LIMS1: variants seen among roughly 807,000 people sequenced by gnomAD.
The protein encoded by LIMS1 is LIM zinc finger domain containing 1.
Under a neutral mutation model 44.1 loss-of-function variants are expected in LIMS1, and 18 were observed. The observed-to-expected ratio is 0.41, with a 90% CI of 0.28 to 0.61. The LOEUF is 0.61. Among genes scored for constraint, LIMS1 ranks in the 20% least tolerant of loss-of-function variants. The pLI, the probability that LIMS1 is intolerant of heterozygous loss-of-function variation, is 0.32. For synonymous variants in LIMS1, 93 were observed against 149.1 expected, an observed-to-expected ratio of 0.62 and a Z score of 2.74; for missense variants, 201 against 422.0, an observed-to-expected ratio of 0.48 and a Z score of 4.59.
At chr2:108,535,274 C>G (rs1684092278) in intron 1 of LIMS1, among the ~76,000 whole-genome samples, 1 of 152,194 alleles carries the variant, frequency 6.6e-6, no homozygotes, top group African/African-American at 2.4e-5. Flanking sequence ...TGAGTACTGT[C>G]TTAATAGCTG....
chr2:108,608,698 T>C (rs1263440387), intron 1 of LIMS1, among the ~76,000 whole-genome samples: 3 of 152,220 alleles, frequency 2.0e-5, no homozygotes, highest in Non-Finnish European at 4.4e-5. Context: ...CATCACTATT[T>C]TAGAAATCTG....
chr2:108,573,311 T>C (rs1034642819), intron 1 of LIMS1, among the ~76,000 whole-genome samples: 26 of 152,008 alleles, frequency 1.7e-4, no homozygotes, highest in Non-Finnish European at 2.6e-4. Flanking sequence ...CTTTTCTTTT[T>C]TTTTTTTTTC....
exon 10 of LIMS1, chr2:108,684,509 T>C (rs1693207000): frequency 6.6e-6 from 1 of 152,138 alleles, no homozygotes; most frequent in African/African-American, 2.4e-5. Flanking sequence ...AAAGTGAATA[T>C]GCACATTACT....
chr2:108,584,351 T>C (rs1686012231), intron 1 of LIMS1, among the ~76,000 whole-genome samples: 1 of 152,208 alleles, frequency 6.6e-6, no homozygotes, highest in South Asian at 2.1e-4. Context: ...GGTGTGCTTT[T>C]GCATTCTAGG....
intron 9 of LIMS1, 110 bp downstream of exon 9, chr2:108,680,880 C>T: frequency 6.9e-7 from 1 of 1,458,364 alleles, no homozygotes; most frequent in Non-Finnish European, 9.1e-7. Flanking sequence ...TTCTTATTTC[C>T]TCTTTCTGTT....
At chr2:108,537,480 C>T (rs1472642172) in intron 1 of LIMS1, among the ~76,000 whole-genome samples, 2 of 152,210 alleles carry the variant, frequency 1.3e-5, no homozygotes, top group East Asian at 1.9e-4. Flanking sequence ...AACTTTCTGC[C>T]TTTCAGGATT....
At chr2:108,580,815 G>C (rs1161682823) in intron 1 of LIMS1, among the ~76,000 whole-genome samples, 1 of 152,166 alleles carries the variant, frequency 6.6e-6, no homozygotes, top group Non-Finnish European at 1.5e-5. Flanking sequence ...AGTTTCAGGA[G>C]GGGGATGGGG....
chr2:108,678,470 G>A (rs1692724670), intron 8 of LIMS1: 1 of 173,230 alleles, frequency 5.8e-6, no homozygotes, highest in Admixed American at 6.4e-5. Context: ...AGGCTGGGCT[G>A]ATTGATTGGA....
At chr2:108,616,920 T>G (rs975278087) in intron 1 of LIMS1, among the ~76,000 whole-genome samples, 7 of 152,202 alleles carry the variant, frequency 4.6e-5, no homozygotes, top group Non-Finnish European at 1.0e-4. Context: ...TCTTGCTTTA[T>G]TAGATAAAAT....
intron 9 of LIMS1, 75 bp from the exon 10 acceptor site, chr2:108,683,810 A>C: frequency 1.4e-6 from 1 of 736,466 alleles, no homozygotes; most frequent in South Asian, 2.0e-5. Context: ...CAGTACAATT[A>C]CTGCACATCA....
chr2:108,575,696 C>T (rs1685645916), intron 1 of LIMS1, among the ~76,000 whole-genome samples: 1 of 152,182 alleles, frequency 6.6e-6, no homozygotes, highest in South Asian at 2.1e-4. Context: ...TCCTTTTAGG[C>T]ATCGTTTATT....
At chr2:108,639,664 G>A (rs902886412) in intron 1 of LIMS1, among the ~76,000 whole-genome samples, 1 of 152,122 alleles carries the variant, frequency 6.6e-6, no homozygotes, top group Non-Finnish European at 1.5e-5. Flanking sequence ...TGTTGGTCAG[G>A]CTGATCTTGA....
chr2:108,666,308 A>G (rs1691757241), intron 2 of LIMS1, among the ~76,000 whole-genome samples: 1 of 149,550 alleles, frequency 6.7e-6, no homozygotes, highest in Non-Finnish European at 1.5e-5. Flanking sequence ...CTGGTTTATT[A>G]TTAGTATTAT....
chr2:108,631,576 G>A (rs896848967), intron 1 of LIMS1, among the ~76,000 whole-genome samples: 2 of 146,962 alleles, frequency 1.4e-5, no homozygotes, highest in African/African-American at 5.0e-5. Flanking sequence ...TAAGACATCT[G>A]TTATAGCATG....
chr2:108,672,954 C>T (rs1169269988), exon 5 of LIMS1: 1 of 1,080,068 alleles, frequency 9.3e-7, no homozygotes, highest in Non-Finnish European at 1.3e-6. Flanking sequence ...AAATGCCATG[C>T]TATCATCGAT....
intron 1 of LIMS1, among the ~76,000 whole-genome samples, chr2:108,641,121 T>C (rs1689641656): frequency 6.6e-6 from 1 of 152,232 alleles, no homozygotes; most frequent in African/African-American, 2.4e-5. Context: ...TCTAATTCTT[T>C]TTTTGTGGCT....
At position 108,540,770 on chromosome 2, in the gene LIMS1, T is replaced by C. The variant is rs150212053; in HGVS notation, c.32+6176T>C. Among the ~76,000 whole-genome samples, 670 of 152,350 alleles carry C rather than the reference T, an allele frequency of 4.4e-3. 4 individuals are homozygous for C. The highest frequency in any genetic ancestry group is 0.014 in the South Asian group (68 of 4,830). The stretch of plus-strand genomic sequence containing the variant: ...TTTGCCTAGAAGGTAAAATAGTTTA[T>C]TCAAGGCCGAAAGTCAGTTAACAGC... On this transcript the variant is annotated intron_variant, in intron 1 of 9. Transcript: ENST00000544547.
chr2:108,668,588 A>G (rs1490372294), intron 2 of LIMS1, among the ~76,000 whole-genome samples: 1 of 152,006 alleles, frequency 6.6e-6, no homozygotes, highest in African/African-American at 2.4e-5. Context: ...TATATGTACC[A>G]TATTTTTTTA....
chr2:108,673,341 CTGAGAA>C (rs1442651613), intron 5 of LIMS1: 6 of 427,310 alleles, frequency 1.4e-5, no homozygotes, highest in Non-Finnish European at 2.5e-5. Context: ...TATGCGTCTC[CTGAGAA>C]TAAGAGCATT....
Sources: gnomAD v4.1 joint callset for allele counts (sites outside exome capture counted in the v4.1 genomes callset) on GRCh38, gnomAD v4.1.1 for gene constraint, MANE v1.5 for transcripts, NCBI Gene and HGNC (gene_info 2026-07-23, HGNC 2026-07-21) for gene names.